Variants in PRKN observed in about 807,000 individuals in gnomAD.
The protein encoded by PRKN is E3 ubiquitin-protein ligase parkin.
In PRKN, 56 loss-of-function variants were observed where a neutral mutation model predicts 59.5. That is an observed-to-expected ratio of 0.94 (90% CI 0.76 to 1.18). The LOEUF (loss-of-function observed/expected upper bound fraction) is 1.18, where lower values mean the gene tolerates loss of function less well. PRKN is among the 50% of genes most tolerant of loss of function. PRKN has a pLI of 0.00. For missense variants in PRKN, 657 were observed against 596.4 expected, an observed-to-expected ratio of 1.10 and a Z score of -1.06; for synonymous variants, 250 against 222.1, an observed-to-expected ratio of 1.13 and a Z score of -1.12.
chr6:161,957,406 GTTGT>G (rs1430783208), intron 6 of PRKN, among the ~76,000 whole-genome samples: 3 of 131,434 alleles, frequency 2.3e-5, no homozygotes, highest in African/African-American at 9.3e-5. Flanking sequence ...TGTTGTTCTT[GTTGT>G]TTTTTTTTTG....
chr6:162,390,615 A>AT (rs1787134445), intron 2 of PRKN, among the ~76,000 whole-genome samples: 1 of 151,490 alleles, frequency 6.6e-6, no homozygotes, highest in African/African-American at 2.4e-5. Flanking sequence ...TAATATTTGT[A>AT]TTTTTTTAGT....
In PRKN at chr6:162,133,027, C is replaced by T. The variant is rs1023090812; in HGVS notation, c.534+68104G>A. 3.5e-4 allele frequency among the ~76,000 whole-genome samples: 54 copies of T among 152,170 alleles called. 1 individual carries two copies. The highest frequency in any genetic ancestry group is 8.8e-5 in the Non-Finnish European group (6 of 68,024). On this transcript the variant is annotated intron_variant, in intron 4 of 11. Transcript: ENST00000366898. ...GAACATGTGCTTGGAGAGATGGCCA[C>T]AATCACATCAGGACAGTCCCATGGG...
chr6:161,679,376 C>T lies in PRKN; in HGVS notation c.871+106396G>A, dbSNP rs114313809. Among the ~76,000 whole-genome samples, 882 of 152,198 alleles carry T rather than the reference C, an allele frequency of 5.8e-3. 16 individuals are homozygous for T. Among genetic ancestry groups the T allele is most frequent in the African/African-American group, 0.02 (851 of 41,520 alleles). ...TCCTGGGAGGGTCTGCTTCAGGCCA[C>T]TGAGCTAGGCTGGAAACACCTGGGA... On this transcript the variant is annotated intron_variant, in intron 7 of 11. Transcript: ENST00000366898.
chr6:161,798,906 C>T (rs1044251193), intron 6 of PRKN, among the ~76,000 whole-genome samples: 4 of 152,122 alleles, frequency 2.6e-5, no homozygotes, highest in South Asian at 2.1e-4. Flanking sequence ...CCACTGTGCT[C>T]GGGGCTCCCC....
intron 9 of PRKN, among the ~76,000 whole-genome samples, chr6:161,537,651 C>T (rs531614490): frequency 3.3e-5 from 5 of 152,182 alleles, no homozygotes; most frequent in South Asian, 2.1e-4. Context: ...CGGGGTTTCA[C>T]CATGTTAGCC....
chr6:161,672,054 G>A (rs960064164), intron 7 of PRKN, among the ~76,000 whole-genome samples: 2 of 152,132 alleles, frequency 1.3e-5, no homozygotes, highest in Non-Finnish European at 1.5e-5. Context: ...GATATGTCAT[G>A]CCAAGCTGAG....
intron 1 of PRKN, among the ~76,000 whole-genome samples, chr6:162,606,660 T>C (rs1448707914): frequency 6.6e-6 from 1 of 152,142 alleles, no homozygotes; most frequent in Non-Finnish European, 1.5e-5. Flanking sequence ...AGATTTGATA[T>C]TGACATGAGG....
Position 161,647,199 on chromosome 6 carries a change from T to C in PRKN, c.872-77783A>G, listed in dbSNP as rs75963636. Among the ~76,000 whole-genome samples, 572 of 152,318 alleles carry C rather than the reference T, an allele frequency of 3.8e-3. 4 individuals carry two copies. Among genetic ancestry groups the C allele is most frequent in the African/African-American group, 0.013 (546 of 41,566 alleles). On this transcript the variant is annotated intron_variant, in intron 7 of 11. Coordinates refer to ENST00000366898, the MANE Select transcript of PRKN (RefSeq NM_004562.3). ...AACCCTTCCCTGAGACGTACATCCT[T>C]ACCTATAAGGATTTCCATTCAGAGC...
chr6:162,502,368 C>T (rs944741692), intron 1 of PRKN, among the ~76,000 whole-genome samples: 12 of 152,064 alleles, frequency 7.9e-5, no homozygotes, highest in African/African-American at 2.9e-4. Context: ...ACTATCTTGC[C>T]CAGGCTGGTC....
chr6:162,697,626 G>T (rs1025841720), intron 1 of PRKN, among the ~76,000 whole-genome samples: 7 of 152,214 alleles, frequency 4.6e-5, no homozygotes, highest in African/African-American at 1.7e-4. Context: ...ATGCTATGGC[G>T]TCAAAAGTTG....
chr6:162,339,124 C>A (rs1484107687), intron 2 of PRKN, among the ~76,000 whole-genome samples: 2 of 144,398 alleles, frequency 1.4e-5, no homozygotes, highest in South Asian at 4.5e-4. Context: ...AGTGAGGAGC[C>A]CCTCCGCCCG....
At position 161,576,299 on chromosome 6, in the gene PRKN, G is replaced by A. The variant is rs941336978; in HGVS notation, c.872-6883C>T. 1.3e-5 allele frequency among the ~76,000 whole-genome samples: 2 copies of A among 152,024 alleles called. No homozygotes were observed. The highest frequency in any genetic ancestry group is 2.4e-5 in the African/African-American group (1 of 41,374). On this transcript the variant is annotated intron_variant, in intron 7 of 11. Coordinates refer to ENST00000366898, the MANE Select transcript of PRKN (RefSeq NM_004562.3). This position sits in a 1 kb window ranked among gnomAD's most constrained non-coding sequence, Gnocchi z 4.6. ...AGGATTATTCATGCATTCTTTCTCC[G>A]TAGCCAATACTTGCTGTCTCAAGAT...
chr6:161,903,929 A>G (rs1238258199), intron 6 of PRKN, among the ~76,000 whole-genome samples: 1 of 151,868 alleles, frequency 6.6e-6, no homozygotes, highest in African/African-American at 2.4e-5. Flanking sequence ...AGGATCCACA[A>G]TTCAGATACA....
chr6:161,485,779 C>A (rs990605083), intron 9 of PRKN, among the ~76,000 whole-genome samples: 4 of 151,518 alleles, frequency 2.6e-5, no homozygotes, highest in East Asian at 1.9e-4. Context: ...AGACTTAGAA[C>A]AATAATATAT....
At chr6:162,024,914 C>A (rs1048760577) in intron 5 of PRKN, among the ~76,000 whole-genome samples, 7 of 151,884 alleles carry the variant, frequency 4.6e-5, no homozygotes. Flanking sequence ...AGCACGTGCA[C>A]CAAATAAGTC....
intron 1 of PRKN, among the ~76,000 whole-genome samples, chr6:162,595,351 G>T (rs1781461604): frequency 1.3e-5 from 2 of 151,138 alleles, no homozygotes; most frequent in South Asian, 4.2e-4. Flanking sequence ...CGCCTCCCGG[G>T]TTCAAGCAAT....
intron 6 of PRKN, among the ~76,000 whole-genome samples, chr6:161,886,472 G>A (rs1012154738): frequency 1.3e-5 from 2 of 152,054 alleles, no homozygotes; most frequent in Non-Finnish European, 2.9e-5. Context: ...CGAGGCGGGC[G>A]GATCATCTGA....
intron 7 of PRKN, among the ~76,000 whole-genome samples, chr6:161,671,786 A>G (rs953312448): frequency 6.6e-6 from 1 of 152,212 alleles, no homozygotes; most frequent in African/African-American, 2.4e-5. Context: ...GTTGACCAGA[A>G]TAAACAACGC....
At chr6:161,452,513 T>C (rs1160166054) in intron 9 of PRKN, among the ~76,000 whole-genome samples, 1 of 152,218 alleles carries the variant, frequency 6.6e-6, no homozygotes, top group African/African-American at 2.4e-5. Context: ...AGTTCAAGTA[T>C]GTATAAATTC....
Sources: allele counts gnomAD v4.1 joint callset (sites outside exome capture counted in the v4.1 genomes callset), GRCh38; gene constraint gnomAD v4.1.1; non-coding constraint Gnocchi (gnomAD v3.1); transcripts MANE v1.5; gene names NCBI Gene and HGNC (gene_info 2026-07-23, HGNC 2026-07-21).